The following EDEM3 variants were observed in gnomAD, a reference collection of about 807,000 sequenced individuals.
EDEM3 encodes the protein ER degradation enhancing alpha-mannosidase like protein 3, also known as ER degradation-enhancing alpha-mannosidase-like protein 3.
Under a neutral mutation model 110.2 loss-of-function variants are expected in EDEM3, and 60 were observed. That is an observed-to-expected ratio of 0.54 (90% CI 0.44 to 0.67). The LOEUF (loss-of-function observed/expected upper bound fraction) is 0.67. EDEM3 is among the 30% of genes least tolerant of loss of function. The pLI is 0.00. For missense variants in EDEM3, 996 were observed against 1,121.0 expected (o/e 0.89, Z 1.59); for synonymous variants, 352 against 382.9 (o/e 0.92, Z 0.94).
intron 1 of EDEM3, among the ~76,000 whole-genome samples, chr1:184,751,476 AAGG>A (rs1277873826): frequency 6.6e-6 from 1 of 152,216 alleles, no homozygotes; most frequent in East Asian, 1.9e-4. Context: ...GATTGCATAC[AAGG>A]AGAATACACT....
intron 1 of EDEM3, among the ~76,000 whole-genome samples, chr1:184,753,410 T>A (rs1652885576): frequency 6.6e-6 from 1 of 150,446 alleles, no homozygotes; most frequent in African/African-American, 2.4e-5. Context: ...AAATGCACTT[T>A]TTTTTTTTTT....
At chr1:184,721,240 C>G (rs1185498373) in intron 9 of EDEM3, 49 bp downstream of exon 9, 12 of 1,401,842 alleles carry the variant, frequency 8.6e-6, no homozygotes, top group Non-Finnish European at 1.1e-5. Context: ...CTATAAAAAT[C>G]TGGACTCAAA....
At chr1:184,731,557 T>G (rs1335049870) in intron 6 of EDEM3, among the ~76,000 whole-genome samples, 1 of 152,210 alleles carries the variant, frequency 6.6e-6, no homozygotes, top group Non-Finnish European at 1.5e-5. Flanking sequence ...TCCTCTTAAA[T>G]CTCTGTGTAC....
chr1:184,732,768 T>C, intron 6 of EDEM3, 69 bp downstream of exon 6: 1 of 1,487,674 alleles, frequency 6.7e-7, no homozygotes, highest in Non-Finnish European at 9.0e-7. Flanking sequence ...ATGGCTCTGA[T>C]CACAAAACTT....
chr1:184,730,655 A>G (rs564435775), intron 6 of EDEM3, among the ~76,000 whole-genome samples: 1 of 152,344 alleles, frequency 6.6e-6, no homozygotes, highest in Admixed American at 6.5e-5. Flanking sequence ...AATTTAAACA[A>G]GAAGAGATTT....
rs1650721087 is a variant in EDEM3, at chr1:184,719,094, A to G, written c.1161+68T>C. 7 of 862,882 alleles carry G rather than the reference A, an allele frequency of 8.1e-6. No individual in the cohort carries two copies. In the Admixed American group the frequency reaches 1.1e-4, roughly 13 times the overall value. The allele number at this position is 862,882 out of a possible 1,614,324, so 53.5% of individuals were successfully genotyped here. On this transcript the variant is annotated intron_variant, in intron 11 of 19. Transcript: ENST00000318130. ...CCTTTATATTAGCAACTTATAGTGT[A>G]TATGTGTACGTGTGTGTGTGTGTGT...
intron 6 of EDEM3, among the ~76,000 whole-genome samples, chr1:184,726,824 T>G (rs1257032892): frequency 6.6e-6 from 1 of 152,226 alleles, no homozygotes; most frequent in African/African-American, 2.4e-5. Flanking sequence ...CTATATTATA[T>G]ATTAACTAGT....
Position 184,702,873 on chromosome 1 carries a change from A to G in EDEM3, c.2327T>C (p.Leu776Pro). The change falls in exon 19 of 20, where the codon CTG (leucine) becomes CCG (proline). Residue 776 changes from leucine (L) to proline (P), a missense_variant. This residue lies in a region of EDEM3 where 345 missense variants were observed against 402.0 expected (regional missense o/e 0.86). Transcript: ENST00000318130. ...CTCCTCATATTCCCGGATGGCATCC[A>G]GTATGATACTTCCTTCTTTGCTGAA... is the stretch of plus-strand genomic sequence containing the variant. ...FLFSKEGSII[L>P]DAIREYEEVE... is the part of the protein sequence containing the mutation. 1 of 1,613,040 alleles carries G rather than the reference A, an allele frequency of 6.2e-7. No individual in the cohort carries two copies. Among genetic ancestry groups the G allele is most frequent in the Non-Finnish European group, 8.5e-7 (1 of 1,179,536 alleles).
At chr1:184,736,724 A>C (rs1205609626) in intron 4 of EDEM3, among the ~76,000 whole-genome samples, 3 of 152,144 alleles carry the variant, frequency 2.0e-5, no homozygotes, top group African/African-American at 7.2e-5. Flanking sequence ...ATATTTTCTA[A>C]AGTTACTTTT....
intron 2 of EDEM3, among the ~76,000 whole-genome samples, chr1:184,738,806 T>A (rs1651974758): frequency 6.6e-6 from 1 of 152,226 alleles, no homozygotes; most frequent in Admixed American, 6.5e-5. Context: ...TTGCTTTTTT[T>A]GGCCACAAGA....
intron 14 of EDEM3, 44 bp downstream of exon 14, chr1:184,712,389 G>A (rs746581130): frequency 1.3e-6 from 2 of 1,517,384 alleles, no homozygotes; most frequent in Non-Finnish European, 1.8e-6. Flanking sequence ...AATAAAACAT[G>A]TAGAAATAAA....
chr1:184,712,661 A>C (rs1438132480), intron 13 of EDEM3, 63 bp from the exon 14 acceptor site: 1 of 1,146,722 alleles, frequency 8.7e-7, no homozygotes, highest in African/African-American at 1.6e-5. Flanking sequence ...CAACTATATG[A>C]AAGCCATAGA....
intron 8 of EDEM3, among the ~76,000 whole-genome samples, chr1:184,722,099 T>C (rs955870265): frequency 6.6e-6 from 1 of 152,044 alleles, no homozygotes; most frequent in African/African-American, 2.4e-5. Flanking sequence ...CATTAAGCCT[T>C]CTCTGTTTAT....
chr1:184,753,223 A>G (rs1273374039), intron 1 of EDEM3, among the ~76,000 whole-genome samples: 2 of 152,000 alleles, frequency 1.3e-5, no homozygotes, highest in Admixed American at 6.6e-5. Flanking sequence ...TTTTTTAAAA[A>G]AAACATGGGA....
chr1:184,726,233 T>G lies in EDEM3; in HGVS notation c.747+22A>C, dbSNP rs530776484. ...GTAGTTATGCCCAATACCCAGGATA[T>G]CAAAGACCGTAAAAAGCAAACCTCA... On this transcript the variant is annotated intron_variant, in intron 7 of 19. Coordinates refer to ENST00000318130, the MANE Select transcript of EDEM3 (RefSeq NM_025191.4). 7.4e-5 allele frequency: 119 copies of G among 1,611,820 alleles called. 1 individual carries two copies. The South Asian group carries it at 1.2e-3, about 17-fold the overall frequency.
At chr1:184,726,747 C>T (rs569338939) in intron 6 of EDEM3, among the ~76,000 whole-genome samples, 1 of 151,890 alleles carries the variant, frequency 6.6e-6, no homozygotes, top group Non-Finnish European at 1.5e-5. Context: ...CTAGTAAGTA[C>T]AAGAATAGGG....
At position 184,708,174 on chromosome 1, in the gene EDEM3, C is replaced by T; in HGVS notation, c.2016G>A (p.Leu672=). ...ATACCTCTTTATGTTTAGACAGATC[C>T]AGCCCAAACTGAGCTGGTCCAGCAG... The part of the protein sequence containing the change: ...VLTAGPAQFG[L]DLSKHKETRG... Residue 672 remains leucine (L), a synonymous_variant, in exon 17 of 20, where the codon CTG becomes CTA. Transcript: ENST00000318130. 2.5e-6 allele frequency: 4 copies of T among 1,612,992 alleles called. No individual in the cohort carries two copies. The highest frequency in any genetic ancestry group is 3.4e-6 in the Non-Finnish European group (4 of 1,179,556).
chr1:184,706,765 G>A lies in EDEM3; in HGVS notation c.2081C>T (p.Ser694Leu), dbSNP rs781321674. 1 of 1,613,868 alleles carries A rather than the reference G, an allele frequency of 6.2e-7. No homozygotes were observed. Among genetic ancestry groups the A allele is most frequent in the Middle Eastern group, 1.7e-4 (1 of 6,060 alleles). Residue 694 changes from serine to leucine, a missense_variant, in exon 18 of 20, where the codon TCA (serine) becomes TTA (leucine). Ser to Leu is a moderately radical substitution (Grantham distance 145). Transcript: ENST00000318130. The part of the protein sequence containing the change: ...VASSKPSNGC[S>L]ELTNPEAVMG... ...CACTGCCTCTGGGTTAGTAAGCTCT[G>A]AACAACCATTGGATGGTTTACTGCT...
intron 1 of EDEM3, among the ~76,000 whole-genome samples, chr1:184,750,804 C>T (rs979003397): frequency 3.3e-5 from 5 of 152,146 alleles, no homozygotes; most frequent in Admixed American, 2.6e-4. Context: ...TGAGTTACCA[C>T]GCCCGGCCTA....
Sources: allele counts gnomAD v4.1 joint callset (sites outside exome capture counted in the v4.1 genomes callset), GRCh38; gene constraint gnomAD v4.1.1; regional missense constraint gnomAD v4.1.1; transcripts MANE v1.5; gene names NCBI Gene and HGNC (gene_info 2026-07-23, HGNC 2026-07-21).